The following CCDC136 variants were observed in gnomAD, a reference collection of about 807,000 sequenced individuals.
CCDC136 encodes the protein coiled-coil domain containing 136, also known as coiled-coil domain-containing protein 136.
Under a neutral mutation model 141.2 loss-of-function variants are expected in CCDC136, and 100 were observed. The ratio of observed to expected loss-of-function variants is 0.71; its 90% CI spans 0.60 to 0.84. The LOEUF (loss-of-function observed/expected upper bound fraction) is 0.84. CCDC136 is among the 40% of genes least tolerant of loss of function. The pLI is 0.00. For missense variants in CCDC136, 1,206 were observed against 1,379.4 expected (o/e 0.87, Z 1.99); for synonymous variants, 474 against 531.9 (o/e 0.89, Z 1.50).
chr7:128,811,002 G>A (rs1047726445), intron 12 of CCDC136, among the ~76,000 whole-genome samples: 1 of 152,190 alleles, frequency 6.6e-6, no homozygotes, highest in Non-Finnish European at 1.5e-5. Context: ...GACACAGGTG[G>A]AGATCACCAT....
At chr7:128,804,141 A>G (rs747708489) in intron 4 of CCDC136, among the ~76,000 whole-genome samples, 9 of 152,186 alleles carry the variant, frequency 5.9e-5, no homozygotes, top group Non-Finnish European at 1.2e-4. Flanking sequence ...ATCCAGACCA[A>G]TGTATTTGGT....
Position 128,806,876 on chromosome 7 carries a change from T to G in CCDC136, c.1419+18T>G, listed in dbSNP as rs1299015348. The G allele has an allele frequency of 6.3e-7, 1 of 1,581,640 alleles. No individual in the cohort carries two copies. The highest frequency in any genetic ancestry group is 1.4e-5 in the African/African-American group (1 of 73,676). On this transcript the variant is annotated intron_variant, in intron 9 of 17. Transcript: ENST00000297788. ...ATGAGAAGGTAAAAGAAGCTCCTGG[T>G]GAGGGAGGATGTAGCCAGGCATCAT...
In CCDC136 at chr7:128,792,280, G is replaced by GCCCCCCCCCCC; in HGVS notation, c.-126_-125insCCCCCCCCCCC. 3 of 1,334,778 alleles carry GCCCCCCCCCCC rather than the reference G, an allele frequency of 2.2e-6. No individual in the cohort carries two copies. The highest frequency in any genetic ancestry group is 3.6e-5 in the East Asian group (1 of 28,088). 82.7% of individuals were successfully genotyped at this position (1,334,778 alleles called of 1,614,324 possible). On this transcript the variant is annotated 5_prime_UTR_variant, in exon 1 of 18. It removes the in-frame stop codon of an upstream open reading frame in the 5' UTR. Coordinates refer to ENST00000297788, the MANE Select transcript of CCDC136 (RefSeq NM_022742.5). The stretch of plus-strand genomic sequence containing the variant: ...TCCTCTGCACCCCAGCCCGCAGCCA[G>GCCCCCCCCCCC]CCCCCCACCCCCCAGCCCCTCCTTT...
At position 128,792,061 on chromosome 7, in the gene CCDC136, TA is replaced by T; in HGVS notation, c.-348del. On this transcript the variant is annotated 5_prime_UTR_variant, in exon 1 of 18. Transcript: ENST00000297788. ...CCCTCTCCTCCCTGTCCCCCCGGAC[TA>T]AATACGCACACCCCCTCTTTCTTTC... 7.7e-7 allele frequency: 1 copy of T among 1,293,722 alleles called. No homozygotes were observed. The highest frequency in any genetic ancestry group is 9.8e-7 in the Non-Finnish European group (1 of 1,020,080). 80.1% of individuals were successfully genotyped at this position (1,293,722 alleles called of 1,614,324 possible).
At chr7:128,818,837 A>G in intron 17 of CCDC136, among the ~76,000 whole-genome samples, 1 of 152,070 alleles carries the variant, frequency 6.6e-6, no homozygotes, top group East Asian at 1.9e-4. Flanking sequence ...CTAGTCCTGC[A>G]TTGGCTCCTC....
In CCDC136 at chr7:128,805,573, C is replaced by T. The variant is rs2128909554; in HGVS notation, c.948+49C>T. On this transcript the variant is annotated intron_variant, in intron 6 of 17. Transcript: ENST00000297788. The surrounding 1 kb of genome is among the most constrained non-coding windows in gnomAD (Gnocchi z 4.6). ...GCAGGCACATTTCTTGTCTTTCTTT[C>T]ACCTTCTCCCAGCCTGTGGTAGAAA... The T allele has an allele frequency of 6.4e-7, 1 of 1,563,018 alleles. No individual in the cohort carries two copies. Among genetic ancestry groups the T allele is most frequent in the East Asian group, 2.2e-5 (1 of 44,508 alleles).
At chr7:128,813,891 A>G (rs1440562457) in intron 14 of CCDC136, among the ~76,000 whole-genome samples, 1 of 152,024 alleles carries the variant, frequency 6.6e-6, no homozygotes, top group East Asian at 1.9e-4. Flanking sequence ...CTGAGGCAGG[A>G]AAACCGCTTG....
Position 128,817,996 on chromosome 7 carries a change from C to T in CCDC136, c.*5+132C>T. 1.4e-6 allele frequency: 1 copy of T among 698,798 alleles called. No individual in the cohort carries two copies. Among genetic ancestry groups the T allele is most frequent in the Non-Finnish European group, 2.5e-6 (1 of 397,900 alleles). 43.3% of individuals were successfully genotyped at this position (698,798 alleles called of 1,614,324 possible). On this transcript the variant is annotated intron_variant, in intron 17 of 17. Coordinates refer to ENST00000297788, the MANE Select transcript of CCDC136 (RefSeq NM_022742.5). This position sits in a 1 kb window ranked among gnomAD's most constrained non-coding sequence, Gnocchi z 4.6. The stretch of plus-strand genomic sequence containing the variant: ...ATTTTATAATAGGTGATGCTCAGGT[C>T]TGAGTTTTAGTTCTGACTTTTCCTT...
At position 128,812,697 on chromosome 7, in the gene CCDC136, A is replaced by C. The variant is rs1585113546; in HGVS notation, c.2542-11A>C. 1 of 1,606,034 alleles carries C rather than the reference A, an allele frequency of 6.2e-7. No homozygotes were observed. ...CTCAGGGTGCTATTGTTGCTCCCCC[A>C]CCCCCCGCAGCGCTTTGAGGAAATG... On this transcript the variant is annotated splice_polypyrimidine_tract_variant and intron_variant, in intron 13 of 17. Coordinates refer to ENST00000297788, the MANE Select transcript of CCDC136 (RefSeq NM_022742.5).
In CCDC136 at chr7:128,806,611, G is replaced by A. The variant is rs1165116999; in HGVS notation, c.1249-77G>A. 13 of 1,374,320 alleles carry A rather than the reference G, an allele frequency of 9.5e-6. No homozygotes were observed. The East Asian group carries it at 2.2e-4, about 23-fold the overall frequency. The allele number at this position is 1,374,320 out of a possible 1,614,324, so 85.1% of individuals were successfully genotyped here. A position where few individuals can be genotyped will look rare whatever the true frequency, so the allele number is the denominator to read the frequency against. On this transcript the variant is annotated intron_variant, in intron 8 of 17. Coordinates refer to ENST00000297788, the MANE Select transcript of CCDC136 (RefSeq NM_022742.5). Reference sequence around the variant, plus strand: ...AAGAAGCAAATCTTAGACTGTTGGTGTCTTCAAGTGACTCACACAGAAGAG... The same window carrying A: ...AAGAAGCAAATCTTAGACTGTTGGTATCTTCAAGTGACTCACACAGAAGAG...
chr7:128,810,306 A>G lies in CCDC136; in HGVS notation c.1968A>G (p.Glu656=), dbSNP rs375382998. Residue 656 remains glutamate (E), a synonymous_variant, in exon 12 of 18, where the codon GAA becomes GAG. Coordinates refer to ENST00000297788, the MANE Select transcript of CCDC136 (RefSeq NM_022742.5). ...GTTTCAAAGAGTCTCATTTCCAGGA[A>G]GTGTTGGAGAATCCCGATGATTCCA... is the stretch of plus-strand genomic sequence containing the variant. The part of the protein sequence containing the change: ...LRRFKESHFQ[E]VLENPDDSKL... 2.5e-6 allele frequency: 4 copies of G among 1,613,932 alleles called. No individual in the cohort carries two copies. The African/African-American group carries it at 5.3e-5, about 22-fold the overall frequency.
intron 16 of CCDC136, 39 bp downstream of exon 16, chr7:128,815,970 G>C (rs374229736): frequency 6.4e-7 from 1 of 1,571,104 alleles, no homozygotes; most frequent in African/African-American, 1.4e-5. Context: ...GGGAAGTGGG[G>C]TCTTGGGCTC....
chr7:128,821,080 T>G lies in CCDC136; in HGVS notation c.*6-719T>G, dbSNP rs1807377666. On this transcript the variant is annotated intron_variant, in intron 17 of 17. Coordinates refer to ENST00000297788, the MANE Select transcript of CCDC136 (RefSeq NM_022742.5). This position sits in a 1 kb window ranked among gnomAD's most constrained non-coding sequence, Gnocchi z 5.1. ...TCTTGTCTAAGATTTTCATATTACC[T>G]AATGGATGCTTTTTGGATATCTTCG... Among the ~76,000 whole-genome samples, 1 of 152,238 alleles carries G rather than the reference T, an allele frequency of 6.6e-6. No homozygotes were observed.
Position 128,805,636 on chromosome 7 carries a change from T to C in CCDC136, c.948+112T>C. The C allele has an allele frequency of 2.6e-6, 4 of 1,526,256 alleles. No homozygotes were observed. In the South Asian group the frequency reaches 3.7e-5, roughly 14 times the overall value. 94.5% of individuals were successfully genotyped at this position (1,526,256 alleles called of 1,614,324 possible). On this transcript the variant is annotated intron_variant, in intron 6 of 17. Coordinates refer to ENST00000297788, the MANE Select transcript of CCDC136 (RefSeq NM_022742.5). This position sits in a 1 kb window ranked among gnomAD's most constrained non-coding sequence, Gnocchi z 4.6. ...CATCCACTGTGGAGGGAGATAGTAC[T>C]CTGGGGTCTCACTTGCCTGATGTAA...
chr7:128,805,958 C>T lies in CCDC136; in HGVS notation c.1089+57C>T. The T allele has an allele frequency of 6.3e-7, 1 of 1,593,864 alleles. No individual in the cohort carries two copies. The highest frequency in any genetic ancestry group is 8.6e-7 in the Non-Finnish European group (1 of 1,164,750). On this transcript the variant is annotated intron_variant, in intron 7 of 17. Transcript: ENST00000297788. The surrounding 1 kb of genome is among the most constrained non-coding windows in gnomAD (Gnocchi z 4.6). ...GGGGCAGAAGGGCCTCATGGAGGGG[C>T]TGCTTCAACCGGGGTGGGCACAGTG...
intron 3 of CCDC136, among the ~76,000 whole-genome samples, chr7:128,799,573 C>G (rs1014833903): frequency 1.3e-5 from 2 of 151,496 alleles, no homozygotes; most frequent in African/African-American, 4.9e-5. Context: ...GAAGGGGAGA[C>G]TTAAGTACAC....
Position 128,792,280 on chromosome 7 carries a change from G to GCCCCCCCCCCCCCC in CCDC136, c.-126_-125insCCCCCCCCCCCCCC. On this transcript the variant is annotated 5_prime_UTR_variant, in exon 1 of 18. The change abolishes the stop of an existing upstream ORF in the 5' untranslated region. Transcript: ENST00000297788. ...TCCTCTGCACCCCAGCCCGCAGCCAGCCCCCCACCCCCCAGCCCCTCCTTT... is the reference window on the plus strand; with the variant it reads ...TCCTCTGCACCCCAGCCCGCAGCCAGCCCCCCCCCCCCCCCCCCCCACCCCCCAGCCCCTCCTTT... 8 of 1,334,764 alleles carry GCCCCCCCCCCCCCC rather than the reference G, an allele frequency of 6.0e-6. No individual in the cohort carries two copies. In the East Asian group the frequency reaches 1.1e-4, roughly 18 times the overall value. 82.7% of individuals were successfully genotyped at this position (1,334,764 alleles called of 1,614,324 possible).
At chr7:128,803,309 A>G (rs570474389) in intron 4 of CCDC136, among the ~76,000 whole-genome samples, 1 of 152,314 alleles carries the variant, frequency 6.6e-6, no homozygotes, top group South Asian at 2.1e-4. Context: ...CCCGGCCAAC[A>G]TAATTCTTAG....
At chr7:128,810,810 C>A (rs903464254) in intron 12 of CCDC136, among the ~76,000 whole-genome samples, 2 of 152,168 alleles carry the variant, frequency 1.3e-5, no homozygotes, top group African/African-American at 4.8e-5. Flanking sequence ...CTTTGGTGTT[C>A]TCTATGAGGC....
Sources: gnomAD v4.1 joint callset for allele counts (sites outside exome capture counted in the v4.1 genomes callset) on GRCh38, gnomAD v4.1.1 for gene constraint, Gnocchi (gnomAD v3.1) non-coding constraint, MANE v1.5 for transcripts, NCBI Gene and HGNC (gene_info 2026-07-23, HGNC 2026-07-21) for gene names.